NGEF: variants seen among roughly 807,000 people sequenced by gnomAD.
NGEF encodes the protein neuronal guanine nucleotide exchange factor, also known as ephexin-1.
NGEF carries 31 observed loss-of-function variants against 80.9 expected under a neutral mutation model. The observed-to-expected ratio is 0.38, with a 90% CI of 0.29 to 0.52. The LOEUF (loss-of-function observed/expected upper bound fraction) is 0.52, where lower values mean the gene tolerates loss of function less well. Ranked by LOEUF, NGEF falls within the 20% of genes least tolerant of loss-of-function variation. NGEF has a pLI of 0.84. For missense variants in NGEF, 709 were observed against 926.2 expected (o/e 0.77, Z 3.04); for synonymous variants, 371 against 370.2 (o/e 1.00, Z -0.03).
At chr2:232,902,337 C>G (rs1266391100) in intron 5 of NGEF, among the ~76,000 whole-genome samples, 1 of 152,216 alleles carries the variant, frequency 6.6e-6, no homozygotes, top group African/African-American at 2.4e-5. Context: ...AGAGCCAGAG[C>G]CCGAGCCCAG....
chr2:232,944,845 C>T (rs531644800), intron 3 of NGEF, among the ~76,000 whole-genome samples: 6 of 150,440 alleles, frequency 4.0e-5, no homozygotes, highest in East Asian at 3.9e-4. Flanking sequence ...ACCACCTCTC[C>T]GGTTCAAGTG....
At position 232,933,040 on chromosome 2, in the gene NGEF, C is replaced by T. The variant is rs534315370; in HGVS notation, c.384-5854G>A. ...AGGAGAATCGCTTGAACCCAGGAGA[C>T]GGAGGTTGCAGTAAGCTGAGGTCGT... is the stretch of plus-strand genomic sequence containing the variant. On this transcript the variant is annotated intron_variant, in intron 3 of 14. Coordinates refer to ENST00000264051, the MANE Select transcript of NGEF (RefSeq NM_019850.3). Among the ~76,000 whole-genome samples, 84 of 151,768 alleles carry T rather than the reference C, an allele frequency of 5.5e-4. 1 individual carries two copies. The highest frequency in any genetic ancestry group is 1.9e-3 in the African/African-American group (77 of 41,346).
At chr2:232,941,264 G>C (rs773491789) in intron 3 of NGEF, among the ~76,000 whole-genome samples, 2 of 152,034 alleles carry the variant, frequency 1.3e-5, no homozygotes, top group African/African-American at 2.4e-5. Flanking sequence ...CTCAAGCACT[G>C]ATCTTAGGAG....
intron 5 of NGEF, among the ~76,000 whole-genome samples, chr2:232,917,650 T>A (rs530378457): frequency 1.2e-4 from 18 of 152,128 alleles, no homozygotes; most frequent in Non-Finnish European, 2.5e-4. Context: ...TTTGTATTTT[T>A]AGTAGATGAA....
intron 5 of NGEF, among the ~76,000 whole-genome samples, chr2:232,899,445 C>G (rs968093420): frequency 6.6e-6 from 1 of 152,194 alleles, no homozygotes; most frequent in Non-Finnish European, 1.5e-5. Flanking sequence ...CCGGTCCAGC[C>G]TGGGCTTTCT....
intron 8 of NGEF, among the ~76,000 whole-genome samples, chr2:232,890,345 A>G (rs1184662059): frequency 6.6e-6 from 1 of 152,020 alleles, no homozygotes; most frequent in Non-Finnish European, 1.5e-5. Flanking sequence ...CCATGCCTCC[A>G]GCTCTGTGGG....
intron 8 of NGEF, chr2:232,891,040 G>A (rs1048074529): frequency 3.0e-5 from 15 of 504,982 alleles, no homozygotes; most frequent in Admixed American, 1.2e-4. Context: ...CAGCTTACAC[G>A]TCACGTGTCT....
intron 1 of NGEF, among the ~76,000 whole-genome samples, chr2:233,005,687 G>A (rs890095500): frequency 6.6e-6 from 1 of 152,192 alleles, no homozygotes; most frequent in African/African-American, 2.4e-5. Flanking sequence ...GGCTGGAAAA[G>A]GCAGGAAACA....
At chr2:232,943,241 A>T (rs190829899) in intron 3 of NGEF, among the ~76,000 whole-genome samples, 8 of 140,734 alleles carry the variant, frequency 5.7e-5, no homozygotes, top group Admixed American at 2.1e-4. Context: ...ATTTGTTCTT[A>T]AAAAAAAAAA....
At chr2:232,908,089 G>A (rs913926647) in intron 5 of NGEF, among the ~76,000 whole-genome samples, 23 of 152,074 alleles carry the variant, frequency 1.5e-4, no homozygotes, top group African/African-American at 4.8e-4. Context: ...CAGCCTGGGA[G>A]ACAGAGTGAG....
chr2:232,933,254 T>G (rs1003106563), intron 3 of NGEF, among the ~76,000 whole-genome samples: 3 of 152,074 alleles, frequency 2.0e-5, no homozygotes, highest in African/African-American at 7.3e-5. Flanking sequence ...CAGGAGAGAT[T>G]AAACATTCAG....
At chr2:232,955,399 T>C (rs886414030) in intron 3 of NGEF, among the ~76,000 whole-genome samples, 2 of 152,210 alleles carry the variant, frequency 1.3e-5, no homozygotes, top group East Asian at 1.9e-4. Flanking sequence ...TTTGCTATTG[T>C]CTGCTATGAT....
chr2:232,922,449 C>T (rs568656199), intron 4 of NGEF, among the ~76,000 whole-genome samples: 17 of 152,234 alleles, frequency 1.1e-4, no homozygotes, highest in South Asian at 2.1e-4. Context: ...GCTTTTCCAA[C>T]GATGCAACCC....
intron 5 of NGEF, among the ~76,000 whole-genome samples, chr2:232,912,815 C>T (rs1362951368): frequency 1.3e-5 from 2 of 151,958 alleles, no homozygotes; most frequent in African/African-American, 4.8e-5. Flanking sequence ...ATAATATTTC[C>T]TTATTACCCT....
chr2:232,900,080 TCA>T (rs199955666), intron 5 of NGEF, among the ~76,000 whole-genome samples: 7 of 139,566 alleles, frequency 5.0e-5, no homozygotes, highest in African/African-American at 2.0e-4. Context: ...ACACGTTCAC[TCA>T]CATTCACTTA....
At chr2:232,994,882 A>G (rs1193228655) in intron 1 of NGEF, among the ~76,000 whole-genome samples, 3 of 151,658 alleles carry the variant, frequency 2.0e-5, no homozygotes, top group Admixed American at 2.0e-4. Context: ...ATATATGGAT[A>G]TATACATGCA....
Position 232,884,624 on chromosome 2 carries a change from C to T in NGEF, c.1438-480G>A, listed in dbSNP as rs187137976. Among the ~76,000 whole-genome samples, 102 of 152,272 alleles carry T rather than the reference C, an allele frequency of 6.7e-4. 1 individual carries two copies. The South Asian group carries it at 0.018, about 27-fold the overall frequency. ...AGTAGAGAGGAAAGAATGGGACCCG[C>T]GGGGCAAGGAGGCCAGGCCTGCAGC... is the stretch of plus-strand genomic sequence containing the variant. On this transcript the variant is annotated intron_variant, in intron 10 of 14. Coordinates refer to ENST00000264051, the MANE Select transcript of NGEF (RefSeq NM_019850.3).
intron 8 of NGEF, among the ~76,000 whole-genome samples, 168 bp downstream of exon 8, chr2:232,891,190 C>T (rs939745732): frequency 6.6e-6 from 1 of 152,348 alleles, no homozygotes. Context: ...GATGGGCTCC[C>T]TGGGAGCAGG....
chr2:233,006,060 G>A lies in NGEF; in HGVS notation c.-75+7008C>T, dbSNP rs13409695. Among the ~76,000 whole-genome samples the A allele has an allele frequency of 4.9e-3, 749 of 152,216 alleles. 3 individuals are homozygous for A. The highest frequency in any genetic ancestry group is 0.017 in the African/African-American group (705 of 41,534). ...TCGAACTCTTGACCTCAAGTGATCC[G>A]CCCACCTTGGCCTCCCAAAATCTGG... On this transcript the variant is annotated intron_variant, in intron 1 of 14. Coordinates refer to ENST00000264051, the MANE Select transcript of NGEF (RefSeq NM_019850.3).
Sources: gnomAD v4.1 joint callset for allele counts (sites outside exome capture counted in the v4.1 genomes callset) on GRCh38, gnomAD v4.1.1 for gene constraint, MANE v1.5 for transcripts, NCBI Gene and HGNC (gene_info 2026-07-23, HGNC 2026-07-21) for gene names.